Variants in CDH4 observed in about 807,000 individuals in gnomAD.
CDH4 encodes cadherin-4.
A neutral mutation model predicts 86.0 loss-of-function variants in CDH4; 33 were observed. The observed-to-expected ratio is 0.38, with a 90% CI of 0.29 to 0.51. CDH4 has a LOEUF of 0.51. Among genes scored for constraint, CDH4 ranks in the 20% least tolerant of loss-of-function variants. The pLI is 0.86. For synonymous variants in CDH4, 555 were observed against 549.4 expected, an observed-to-expected ratio of 1.01 and a Z score of -0.14; for missense variants, 1,114 against 1,307.4, an observed-to-expected ratio of 0.85 and a Z score of 2.28.
At chr20:61,450,578 G>A (rs565359678) in intron 2 of CDH4, among the ~76,000 whole-genome samples, 6 of 152,112 alleles carry the variant, frequency 3.9e-5, no homozygotes, top group African/African-American at 7.2e-5. Flanking sequence ...ATATGCTTTC[G>A]GTTTTGCAAA....
chr20:61,653,539 G>T (rs1345552357), intron 2 of CDH4, among the ~76,000 whole-genome samples: 3 of 127,284 alleles, frequency 2.4e-5, no homozygotes, highest in South Asian at 2.7e-4. Flanking sequence ...CTCACCTCCC[G>T]GACGGGGTGG....
At chr20:61,410,633 G>GTCCA (rs1289948080) in intron 2 of CDH4, among the ~76,000 whole-genome samples, 6 of 134,716 alleles carry the variant, frequency 4.5e-5, no homozygotes, top group African/African-American at 1.2e-4. Flanking sequence ...CCTCCCACTG[G>GTCCA]TCCATCCATC....
chr20:61,871,087 GAGAC>G (rs996359466), intron 6 of CDH4, among the ~76,000 whole-genome samples: 1 of 152,068 alleles, frequency 6.6e-6, no homozygotes, highest in African/African-American at 2.4e-5. Flanking sequence ...GAGAGAGACA[GAGAC>G]AGAGCTCCTC....
intron 2 of CDH4, among the ~76,000 whole-genome samples, chr20:61,307,960 G>A (rs984115741): frequency 4.6e-5 from 7 of 152,204 alleles, no homozygotes; most frequent in African/African-American, 4.8e-5. Flanking sequence ...TGGTGTCACC[G>A]TAGGAGCTGT....
At chr20:61,790,153 C>CACCCATCT (rs1259182302) in intron 4 of CDH4, among the ~76,000 whole-genome samples, 1 of 151,998 alleles carries the variant, frequency 6.6e-6, no homozygotes, top group Non-Finnish European at 1.5e-5. Flanking sequence ...TCCACACACC[C>CACCCATCT]ACCCATCTAC....
chr20:61,255,882 C>T (rs775712644), intron 2 of CDH4, among the ~76,000 whole-genome samples: 2 of 152,162 alleles, frequency 1.3e-5, no homozygotes, highest in African/African-American at 2.4e-5. Context: ...AACTTGTTGA[C>T]GTGCCTTGTT....
chr20:61,438,171 C>T (rs757736555), intron 2 of CDH4, among the ~76,000 whole-genome samples: 1 of 152,214 alleles, frequency 6.6e-6, no homozygotes, highest in Admixed American at 6.5e-5. Flanking sequence ...ATTTCCCTGA[C>T]TTATGGGTCA....
chr20:61,685,565 C>T (rs141011968), intron 2 of CDH4, among the ~76,000 whole-genome samples: 16 of 152,376 alleles, frequency 1.1e-4, no homozygotes, highest in African/African-American at 2.6e-4. Flanking sequence ...CTGTTTGTGG[C>T]GCTTTCTGTC....
intron 2 of CDH4, chr20:61,738,326 T>TACCAGGC (rs2088290522): frequency 6.6e-6 from 1 of 152,118 alleles, no homozygotes; most frequent in Non-Finnish European, 1.5e-5. Flanking sequence ...CGGCTGTGGG[T>TACCAGGC]ACCAGGCACC....
chr20:61,528,314 T>C (rs1034202519), intron 2 of CDH4, among the ~76,000 whole-genome samples: 1 of 148,452 alleles, frequency 6.7e-6, no homozygotes, highest in African/African-American at 2.6e-5. Flanking sequence ...GAGGCGGAGA[T>C]TGCAGTGAGC....
In CDH4 at chr20:61,936,908, C is replaced by T. The variant is rs1029398407; in HGVS notation, c.2716C>T (p.Leu906=). The T allele has an allele frequency of 6.2e-7, 1 of 1,600,418 alleles. No homozygotes were observed. The highest frequency in any genetic ancestry group is 1.3e-5 in the African/African-American group (1 of 74,492). Residue 906 remains leucine (L), a synonymous_variant, in exon 16 of 16, where the codon CTG becomes TTG. Transcript: ENST00000614565. Reference sequence around the variant, plus strand: ...CGACTGGGGGCCCAGATTCAAGAAGCTGGCGGACATGTATGGAGGTGGTGA... The same window carrying T: ...CGACTGGGGGCCCAGATTCAAGAAGTTGGCGGACATGTATGGAGGTGGTGA... The part of the protein sequence containing the change: ...LNDWGPRFKK[L]ADMYGGGEED
At chr20:61,770,571 T>C (rs2088762289) in intron 3 of CDH4, among the ~76,000 whole-genome samples, 1 of 152,240 alleles carries the variant, frequency 6.6e-6, no homozygotes, top group African/African-American at 2.4e-5. Flanking sequence ...AGGAGTCATG[T>C]GCACTATCAC....
At chr20:61,741,530 T>C (rs1253529672) in intron 2 of CDH4, among the ~76,000 whole-genome samples, 2 of 152,040 alleles carry the variant, frequency 1.3e-5, no homozygotes, top group African/African-American at 4.8e-5. Flanking sequence ...CTCGCTCTGT[T>C]GCGCAGGCTG....
At chr20:61,432,907 C>T (rs368056730) in intron 2 of CDH4, among the ~76,000 whole-genome samples, 5 of 142,352 alleles carry the variant, frequency 3.5e-5, no homozygotes, top group Non-Finnish European at 7.5e-5. Context: ...GGTGTGATCT[C>T]GGATCACTGC....
At chr20:61,931,471 A>G (rs1262681034) in intron 13 of CDH4, among the ~76,000 whole-genome samples, 2 of 152,168 alleles carry the variant, frequency 1.3e-5, no homozygotes, top group Non-Finnish European at 2.9e-5. Context: ...ACAGCCAATT[A>G]ATCGGGTTGG....
At chr20:61,752,329 C>CAAAAAA (rs34828485) in intron 3 of CDH4, among the ~76,000 whole-genome samples, 2 of 83,136 alleles carry the variant, frequency 2.4e-5, no homozygotes, top group Non-Finnish European at 4.9e-5. Flanking sequence ...AAAAGCCTGT[C>CAAAAAA]AAAAAAAAAA....
At chr20:61,258,596 A>G (rs2084113709) in intron 2 of CDH4, among the ~76,000 whole-genome samples, 1 of 152,242 alleles carries the variant, frequency 6.6e-6, no homozygotes, top group Non-Finnish European at 1.5e-5. Flanking sequence ...TTCTTGGCCA[A>G]CAGAATAAAA....
intron 5 of CDH4, among the ~76,000 whole-genome samples, chr20:61,851,677 G>A (rs1006285708): frequency 6.6e-6 from 1 of 152,196 alleles, no homozygotes; most frequent in Admixed American, 6.5e-5. Context: ...CCTCGGATGT[G>A]CCCTTTCCAC....
chr20:61,531,803 A>G (rs1391610968), intron 2 of CDH4, among the ~76,000 whole-genome samples: 2 of 152,220 alleles, frequency 1.3e-5, no homozygotes, highest in East Asian at 1.9e-4. Flanking sequence ...GTGCTCTCAG[A>G]ATGCAGACTG....
Sources: gnomAD v4.1 joint callset for allele counts (sites outside exome capture counted in the v4.1 genomes callset) on GRCh38, gnomAD v4.1.1 for gene constraint, MANE v1.5 for transcripts, NCBI Gene and HGNC (gene_info 2026-07-23, HGNC 2026-07-21) for gene names.